Variants in DOCK1 observed in about 807,000 individuals in gnomAD.
DOCK1 encodes the protein dedicator of cytokinesis protein 1.
In DOCK1, 138 loss-of-function variants were observed where a neutral mutation model predicts 262.7. That is an observed-to-expected ratio of 0.53 (90% CI 0.46 to 0.61). The LOEUF (loss-of-function observed/expected upper bound fraction) is 0.61. Among genes scored for constraint, DOCK1 ranks in the 20% least tolerant of loss-of-function variants. The pLI is 0.00. For missense variants in DOCK1, 1,908 were observed against 2,370.7 expected (o/e 0.80, Z 4.05); for synonymous variants, 866 against 867.4 (o/e 1.00, Z 0.03).
rs75017051 is a variant in DOCK1 at position 127,148,938 on chromosome 10, A to G, written c.2847+21174A>G. Reference sequence around the variant, plus strand: ...CTTAGAAAAAGATGTAGCTGTGTCAACCATCTCAAAATTTGTCAGAAAGAT... The same window carrying G: ...CTTAGAAAAAGATGTAGCTGTGTCAGCCATCTCAAAATTTGTCAGAAAGAT... On this transcript the variant is annotated intron_variant, in intron 27 of 51. Transcript: ENST00000623213. Among the ~76,000 whole-genome samples, 1,075 of 152,282 alleles carry G rather than the reference A, an allele frequency of 7.1e-3. 12 individuals are homozygous for G. Among genetic ancestry groups the G allele is most frequent in the African/African-American group, 0.025 (1,021 of 41,550 alleles).
chr10:127,362,906 TCTCCACACACACATATA>T (rs2064616227), intron 33 of DOCK1, among the ~76,000 whole-genome samples: 1 of 15,376 alleles, frequency 6.5e-5, no homozygotes, highest in South Asian at 2.0e-3. Flanking sequence ...CACATGTACA[TCTCCACACACACATATA>T]CACATGCACA....
chr10:126,944,408 G>A (rs2035240540), intron 1 of DOCK1, among the ~76,000 whole-genome samples: 1 of 152,174 alleles, frequency 6.6e-6, no homozygotes, highest in East Asian at 1.9e-4. Flanking sequence ...CCTTGCAAGC[G>A]GACCTGCCGA....
At chr10:126,915,093 C>T (rs1299617403) in intron 1 of DOCK1, among the ~76,000 whole-genome samples, 3 of 152,116 alleles carry the variant, frequency 2.0e-5, no homozygotes, top group South Asian at 2.1e-4. Context: ...CTGTGTGCCT[C>T]GCAGGAAGAG....
intron 1 of DOCK1, among the ~76,000 whole-genome samples, chr10:126,931,601 G>A (rs907264482): frequency 4.6e-4 from 70 of 152,194 alleles, no homozygotes; most frequent in Non-Finnish European, 8.7e-4. Flanking sequence ...GGGTTGGGGT[G>A]GGGCCTCATC....
At chr10:127,314,190 A>C (rs1379826636) in intron 29 of DOCK1, among the ~76,000 whole-genome samples, 1 of 152,238 alleles carries the variant, frequency 6.6e-6, no homozygotes, top group Non-Finnish European at 1.5e-5. Context: ...TGCCTCCTGA[A>C]AACAGGAAAG....
At chr10:127,451,249 C>T (rs530030299) in intron 51 of DOCK1, 83 bp from the exon 52 acceptor site, 1 of 1,475,910 alleles carries the variant, frequency 6.8e-7, no homozygotes, top group South Asian at 1.2e-5. Context: ...GTGGCTGTGC[C>T]AGGTCAGACC....
At chr10:127,274,253 T>C (rs1172318821) in intron 29 of DOCK1, among the ~76,000 whole-genome samples, 2 of 152,114 alleles carry the variant, frequency 1.3e-5, no homozygotes, top group African/African-American at 4.8e-5. Flanking sequence ...AAAGAAACCA[T>C]ATATACCTCC....
chr10:127,162,875 C>T (rs74158629), intron 27 of DOCK1, among the ~76,000 whole-genome samples: 2,170 of 152,212 alleles, frequency 0.014, 57 homozygotes, highest in African/African-American at 0.05. Context: ...GGTCTCGCCC[C>T]CAGACACTTA....
intron 11 of DOCK1, among the ~76,000 whole-genome samples, chr10:127,011,110 T>G (rs1240873298): frequency 6.6e-6 from 1 of 152,218 alleles, no homozygotes; most frequent in Admixed American, 6.5e-5. Context: ...GAAAAATATG[T>G]TATTCCATGT....
intron 1 of DOCK1, among the ~76,000 whole-genome samples, chr10:126,920,248 T>A (rs1016092406): frequency 1.3e-5 from 2 of 152,268 alleles, no homozygotes; most frequent in African/African-American, 4.8e-5. Flanking sequence ...ATTTCCCCCA[T>A]TGACATTGCT....
chr10:127,426,138 G>A, intron 47 of DOCK1, 127 bp downstream of exon 47: 1 of 1,491,714 alleles, frequency 6.7e-7, no homozygotes, highest in Non-Finnish European at 9.1e-7. Context: ...GAAGTGGGAT[G>A]TGAGGGAGCT....
intron 10 of DOCK1, among the ~76,000 whole-genome samples, chr10:127,004,266 C>G (rs112376945): frequency 0.32 from 48,129 of 150,130 alleles, 7,845 homozygotes; most frequent in Non-Finnish European, 0.35. Flanking sequence ...GAAAACAAAA[C>G]AAAACAAAAC....
intron 38 of DOCK1, among the ~76,000 whole-genome samples, chr10:127,385,932 C>T (rs2066090682): frequency 6.6e-6 from 1 of 152,228 alleles, no homozygotes; most frequent in Non-Finnish European, 1.5e-5. Flanking sequence ...AGGTCCTCAT[C>T]TTCCCTTGAT....
rs1280653969 is a variant in DOCK1 at position 127,347,865 on chromosome 10, T to C, written c.3224+4119T>C. 7.0e-3 allele frequency among the ~76,000 whole-genome samples: 191 copies of C among 27,378 alleles called. 16 individuals are homozygous for C. Among genetic ancestry groups the C allele is most frequent in the South Asian group, 0.023 (16 of 684 alleles). 18.0% of individuals were successfully genotyped at this position (27,378 alleles called of 152,430 possible). The stretch of plus-strand genomic sequence containing the variant: ...TTCCCTTCCCTTCCCTTCCCTTCCC[T>C]TCCCTTCCCTTCCCTTCCCATCCCT... On this transcript the variant is annotated intron_variant, in intron 31 of 51. Transcript: ENST00000623213.
chr10:127,253,874 CAAAAAAA>C (rs575042004), intron 28 of DOCK1, among the ~76,000 whole-genome samples: 1 of 101,472 alleles, frequency 9.9e-6, no homozygotes, highest in Non-Finnish European at 1.9e-5. Context: ...GACCCTGTCT[CAAAAAAA>C]AAAAAAAAAA....
Position 127,000,125 on chromosome 10 carries a change from T to C in DOCK1, c.850-47T>C, listed in dbSNP as rs747297232. ...ACTGTCCTTTTCATTGGAGCTTGCA[T>C]TGAATAATGGGTCTCCAAAATAATT... On this transcript the variant is annotated intron_variant, in intron 9 of 51. Coordinates refer to ENST00000623213, the MANE Select transcript of DOCK1 (RefSeq NM_001290223.2). The C allele has an allele frequency of 6.2e-6, 10 of 1,602,784 alleles. No homozygotes were observed. The East Asian group carries it at 1.6e-4, about 25-fold the overall frequency.
chr10:127,221,604 G>C (rs2058438248), intron 27 of DOCK1, among the ~76,000 whole-genome samples: 1 of 152,104 alleles, frequency 6.6e-6, no homozygotes, highest in African/African-American at 2.4e-5. Flanking sequence ...AATTGCTCCA[G>C]GGCTCATAAT....
At chr10:127,133,974 G>A (rs186027735) in intron 27 of DOCK1, among the ~76,000 whole-genome samples, 1 of 152,314 alleles carries the variant, frequency 6.6e-6, no homozygotes, top group African/African-American at 2.4e-5. Flanking sequence ...ATCTTTAGGT[G>A]ACACTGCTGC....
At chr10:127,120,066 C>T (rs2991794) in intron 25 of DOCK1, among the ~76,000 whole-genome samples, 117,414 of 152,136 alleles carry the variant, frequency 0.77, 47,141 homozygotes, top group South Asian at 0.9. Flanking sequence ...TGGTGTGATC[C>T]TCACAGCTGA....
Sources: gnomAD v4.1 joint callset for allele counts (sites outside exome capture counted in the v4.1 genomes callset) on GRCh38, gnomAD v4.1.1 for gene constraint, MANE v1.5 for transcripts, NCBI Gene and HGNC (gene_info 2026-07-23, HGNC 2026-07-21) for gene names.